The following ESYT3 variants were observed in gnomAD, a reference collection of about 807,000 sequenced individuals.
ESYT3 encodes extended synaptotagmin 3.
In ESYT3, 101 loss-of-function variants were observed where a neutral mutation model predicts 111.5. The observed-to-expected ratio is 0.91, with a 90% CI of 0.77 to 1.07. ESYT3 has a LOEUF of 1.07. Among genes scored for constraint, ESYT3 ranks in the 50% least tolerant of loss-of-function variants. ESYT3 has a pLI of 0.00. For synonymous variants in ESYT3, 416 were observed against 446.8 expected (o/e 0.93, Z 0.87); for missense variants, 1,097 against 1,109.4 (o/e 0.99, Z 0.16).
chr3:138,476,564 C>T, intron 22 of ESYT3, 72 bp downstream of exon 22: 1 of 1,475,384 alleles, frequency 6.8e-7, no homozygotes, highest in South Asian at 1.2e-5. Context: ...AGTACTGTTT[C>T]AGCTCCTTTG....
chr3:138,454,419 G>A (rs553969949), intron 2 of ESYT3, among the ~76,000 whole-genome samples: 1 of 152,126 alleles, frequency 6.6e-6, no homozygotes, highest in Non-Finnish European at 1.5e-5. Context: ...TTCACTGGGT[G>A]TGGTGGCAGG....
chr3:138,436,256 G>C (rs906212410), intron 1 of ESYT3, among the ~76,000 whole-genome samples: 1 of 152,168 alleles, frequency 6.6e-6, no homozygotes, highest in Non-Finnish European at 1.5e-5. Flanking sequence ...CAAGATCAAG[G>C]TGTTGGCAGG....
At position 138,465,454 on chromosome 3, in the gene ESYT3, G is replaced by A. The variant is rs371936751; in HGVS notation, c.1169+33G>A. 3.1e-4 allele frequency: 484 copies of A among 1,544,442 alleles called. 1 individual carries two copies. The highest frequency in any genetic ancestry group is 4.1e-4 in the Non-Finnish European group (464 of 1,135,932). On this transcript the variant is annotated intron_variant, in intron 10 of 22. Coordinates refer to ENST00000389567, the MANE Select transcript of ESYT3 (RefSeq NM_031913.5). ...GGAGGGCGCACAGCTGGGCCTGGAG[G>A]CAGCCTTCCCTCCCTGCGGGGTGCT...
At chr3:138,457,158 G>A (rs1022597870) in intron 3 of ESYT3, among the ~76,000 whole-genome samples, 6 of 152,212 alleles carry the variant, frequency 3.9e-5, no homozygotes, top group Non-Finnish European at 7.3e-5. Flanking sequence ...GCTGCCATAA[G>A]CATTCATTCA....
In ESYT3 at chr3:138,476,437, A is replaced by T; in HGVS notation, c.2575-6A>T. ...GGAGGGGAACTAATTATTTGTGATT[A>T]TTTAGGTACTGATTGACTTATCAAA... On this transcript the variant is annotated splice_polypyrimidine_tract_variant and splice_region_variant and intron_variant, in intron 21 of 22. Coordinates refer to ENST00000389567, the MANE Select transcript of ESYT3 (RefSeq NM_031913.5). 6.2e-7 allele frequency: 1 copy of T among 1,613,804 alleles called. No individual in the cohort carries two copies. Among genetic ancestry groups the T allele is most frequent in the Non-Finnish European group, 8.5e-7 (1 of 1,179,764 alleles).
In ESYT3 at chr3:138,450,650, G is replaced by A. The variant is rs180729053; in HGVS notation, c.328-1398G>A. On this transcript the variant is annotated intron_variant, in intron 1 of 22. Transcript: ENST00000389567. ...GCACTGAACTCCTCTGACCAATCAA[G>A]GCTGTTAAAAACTGTTCCGGGAGAA... Among the ~76,000 whole-genome samples, 485 of 152,316 alleles carry A rather than the reference G, an allele frequency of 3.2e-3. 2 individuals carry two copies. The highest frequency in any genetic ancestry group is 0.01 in the African/African-American group (435 of 41,578).
intron 1 of ESYT3, among the ~76,000 whole-genome samples, chr3:138,441,655 A>G (rs879699332): frequency 5.3e-5 from 8 of 152,130 alleles, no homozygotes; most frequent in Admixed American, 5.2e-4. Context: ...CTCCCAGCAG[A>G]GTTCAGGGAT....
chr3:138,462,037 TG>T, intron 7 of ESYT3, 48 bp from the exon 8 acceptor site: 1 of 1,610,012 alleles, frequency 6.2e-7, no homozygotes. Context: ...GCAGGTGGCA[TG>T]GGGGAGGCAG....
chr3:138,459,304 T>TC (rs1159081851), intron 5 of ESYT3, 51 bp downstream of exon 5: 1 of 1,453,158 alleles, frequency 6.9e-7, no homozygotes, highest in Non-Finnish European at 9.3e-7. Flanking sequence ...AGGGTGGGGA[T>TC]CAGGGAAGGG....
intron 20 of ESYT3, among the ~76,000 whole-genome samples, chr3:138,475,867 G>A (rs990006139): frequency 5.9e-5 from 9 of 152,108 alleles, no homozygotes; most frequent in African/African-American, 1.2e-4. Flanking sequence ...CAGAGGTTGC[G>A]GTGAGCCAAG....
intron 1 of ESYT3, among the ~76,000 whole-genome samples, chr3:138,445,428 C>G (rs2031472819): frequency 6.6e-6 from 1 of 152,250 alleles, no homozygotes; most frequent in African/African-American, 2.4e-5. Context: ...GGGCCCAGCT[C>G]TCTGCGGCTG....
In ESYT3 at chr3:138,455,101, G is replaced by C. The variant is rs563430204; in HGVS notation, c.370-93G>C. On this transcript the variant is annotated intron_variant, in intron 2 of 22. Transcript: ENST00000389567. ...CATAGGAACCCCCACCCCAAGACCA[G>C]GCTGCAGAGAATCAGGACCTTGTCC... 17 of 1,479,360 alleles carry C rather than the reference G, an allele frequency of 1.1e-5. No individual in the cohort carries two copies. In the African/African-American group the frequency reaches 1.8e-4, roughly 16 times the overall value. The allele number at this position is 1,479,360 out of a possible 1,614,324, so 91.6% of individuals were successfully genotyped here.
chr3:138,471,743 C>G (rs1403123618), intron 17 of ESYT3, among the ~76,000 whole-genome samples: 1 of 152,154 alleles, frequency 6.6e-6, no homozygotes, highest in Non-Finnish European at 1.5e-5. Context: ...CAGCTCAGTA[C>G]CTCAGGTGCA....
At chr3:138,450,367 G>A (rs1324360249) in intron 1 of ESYT3, among the ~76,000 whole-genome samples, 2 of 152,144 alleles carry the variant, frequency 1.3e-5, no homozygotes, top group African/African-American at 4.8e-5. Context: ...GAGAATGTTT[G>A]CTGAGCAGGT....
chr3:138,449,082 CTTTTTTTTTTTTTT>C (rs398040196), intron 1 of ESYT3, among the ~76,000 whole-genome samples: 2 of 113,122 alleles, frequency 1.8e-5, no homozygotes, highest in African/African-American at 7.6e-5. Context: ...CTTTCTTTTT[CTTTTTTTTTTTTTT>C]TTTTTTGAGA....
At chr3:138,436,969 A>G (rs946417643) in intron 1 of ESYT3, among the ~76,000 whole-genome samples, 1 of 151,610 alleles carries the variant, frequency 6.6e-6, no homozygotes. Context: ...CCTCTCCCCC[A>G]CATACACCAC....
chr3:138,468,616 T>G, intron 12 of ESYT3, 39 bp from the exon 13 acceptor site: 1 of 1,608,004 alleles, frequency 6.2e-7, no homozygotes, highest in Non-Finnish European at 8.5e-7. Context: ...TGTGTCCTGC[T>G]GCTGGGAGTA....
intron 1 of ESYT3, among the ~76,000 whole-genome samples, chr3:138,446,251 G>A (rs1211482738): frequency 6.6e-6 from 1 of 152,240 alleles, no homozygotes; most frequent in African/African-American, 2.4e-5. Context: ...ATGATGCTGT[G>A]TGAGGTTTTC....
intron 18 of ESYT3, 137 bp from the exon 19 acceptor site, chr3:138,473,399 G>A: frequency 1.3e-6 from 1 of 775,682 alleles, no homozygotes; most frequent in Non-Finnish European, 2.1e-6. Flanking sequence ...AATTCCATCT[G>A]AAAGTAAACT....
Sources: gnomAD v4.1 joint callset for allele counts (sites outside exome capture counted in the v4.1 genomes callset) on GRCh38, gnomAD v4.1.1 for gene constraint, MANE v1.5 for transcripts, NCBI Gene and HGNC (gene_info 2026-07-23, HGNC 2026-07-21) for gene names.